Variants in COL23A1 observed in about 807,000 individuals in gnomAD.
COL23A1 encodes collagen type XXIII alpha 1 chain.
A neutral mutation model predicts 99.3 loss-of-function variants in COL23A1; 97 were observed. That is an observed-to-expected ratio of 0.98 (90% CI 0.83 to 1.16). COL23A1 has a LOEUF of 1.16. Among genes scored for constraint, COL23A1 ranks in the 50% most tolerant of loss-of-function variants. The pLI, the probability that COL23A1 is intolerant of heterozygous loss-of-function variation, is 0.00. For missense variants in COL23A1, 762 were observed against 757.4 expected (o/e 1.01, Z -0.07); for synonymous variants, 320 against 308.2 (o/e 1.04, Z -0.40).
chr5:178,305,259 G>T (rs1049713754), intron 3 of COL23A1, among the ~76,000 whole-genome samples: 1 of 152,158 alleles, frequency 6.6e-6, no homozygotes, highest in African/African-American at 2.4e-5. Context: ...GCTTCTTGCC[G>T]GTGAGCGCTA....
rs1756837083 is a variant in COL23A1 at position 178,280,467 on chromosome 5, C to A, written c.441+7857G>T. On this transcript the variant is annotated intron_variant, in intron 5 of 28. Coordinates refer to ENST00000390654, the MANE Select transcript of COL23A1 (RefSeq NM_173465.4). The surrounding 1 kb of genome is among the most constrained non-coding windows in gnomAD (Gnocchi z 4.9). ...GCCACATGGACTATAGACCCCTGGG[C>A]CCATTCTGTCTCCACTGCATGGGCT... is the stretch of plus-strand genomic sequence containing the variant. Among the ~76,000 whole-genome samples, 1 of 152,182 alleles carries A rather than the reference C, an allele frequency of 6.6e-6. No homozygotes were observed. Among genetic ancestry groups the A allele is most frequent in the Non-Finnish European group, 1.5e-5 (1 of 68,020 alleles).
At chr5:178,372,359 A>T (rs1762845476) in intron 2 of COL23A1, among the ~76,000 whole-genome samples, 1 of 152,210 alleles carries the variant, frequency 6.6e-6, no homozygotes, top group Admixed American at 6.5e-5. Context: ...CCGAGGGCGT[A>T]GTTGCTGACT....
Position 178,428,093 on chromosome 5 carries a change from G to C in COL23A1, c.362-121174C>G, listed in dbSNP as rs1207636147. Among the ~76,000 whole-genome samples, 3 of 152,186 alleles carry C rather than the reference G, an allele frequency of 2.0e-5. No individual in the cohort carries two copies. Among genetic ancestry groups the C allele is most frequent in the Non-Finnish European group, 4.4e-5 (3 of 68,040 alleles). On this transcript the variant is annotated intron_variant, in intron 2 of 28. Coordinates refer to ENST00000390654, the MANE Select transcript of COL23A1 (RefSeq NM_173465.4). The surrounding 1 kb of genome is among the most constrained non-coding windows in gnomAD (Gnocchi z 5.0). ...GGTCCAAGCCCTCTCCTCCAGTCCA[G>C]CCTTTCCAGCAATGAGGGTATCATC... is the stretch of plus-strand genomic sequence containing the variant.
rs1231526426 is a variant in COL23A1, at chr5:178,488,697, G to A, written c.361+71985C>T. ...ATGACTCTTTAAAAAAAAAAAAAACGCTTTGAGGTATGATTGACATGAACA... is the reference window on the plus strand; with the variant it reads ...ATGACTCTTTAAAAAAAAAAAAAACACTTTGAGGTATGATTGACATGAACA... On this transcript the variant is annotated intron_variant, in intron 2 of 28. Coordinates refer to ENST00000390654, the MANE Select transcript of COL23A1 (RefSeq NM_173465.4). Among the ~76,000 whole-genome samples the A allele has an allele frequency of 1.0e-4, 15 of 145,360 alleles. No individual in the cohort carries two copies. In the South Asian group the frequency reaches 1.5e-3, roughly 15 times the overall value.
intron 1 of COL23A1, among the ~76,000 whole-genome samples, chr5:178,561,184 C>A (rs1762542101): frequency 6.6e-6 from 1 of 152,204 alleles, no homozygotes; most frequent in African/African-American, 2.4e-5. Flanking sequence ...CCCGGGAAGT[C>A]CCAAAACCCC....
intron 2 of COL23A1, among the ~76,000 whole-genome samples, chr5:178,429,130 C>CACCAG (rs1766113194): frequency 6.6e-6 from 1 of 152,212 alleles, no homozygotes; most frequent in Non-Finnish European, 1.5e-5. Context: ...GGCATTTCAG[C>CACCAG]GCCTTTACAG....
At chr5:178,451,624 T>C (rs1430905745) in intron 2 of COL23A1, among the ~76,000 whole-genome samples, 2 of 125,818 alleles carry the variant, frequency 1.6e-5, no homozygotes, top group South Asian at 2.4e-4. Context: ...ATCACTGCAC[T>C]AGAGCCTGGG....
chr5:178,381,680 C>T (rs144424704), intron 2 of COL23A1, among the ~76,000 whole-genome samples: 8 of 152,242 alleles, frequency 5.3e-5, no homozygotes, highest in Non-Finnish European at 7.4e-5. Context: ...GTGTCGCCTA[C>T]GCTGGAGTGC....
chr5:178,411,519 CTAAA>C (rs1765055231), intron 2 of COL23A1, among the ~76,000 whole-genome samples: 1 of 151,466 alleles, frequency 6.6e-6, no homozygotes, highest in Admixed American at 6.6e-5. Context: ...AAAAAATATG[CTAAA>C]TAAAGTAATC....
At chr5:178,491,450 AG>A (rs559980653) in intron 2 of COL23A1, among the ~76,000 whole-genome samples, 108 of 152,232 alleles carry the variant, frequency 7.1e-4, no homozygotes, top group Non-Finnish European at 1.2e-3. Flanking sequence ...CTGCAGAGGA[AG>A]GGAACTGTGC....
At position 178,439,128 on chromosome 5, in the gene COL23A1, G is replaced by A. The variant is rs1766725360; in HGVS notation, c.361+121554C>T. Reference sequence around the variant, plus strand: ...GCCAGCAGATTTTAAAGTTTTCCAGGTGATTCAAAAGGGCAGCCAGGACTG... The same window carrying A: ...GCCAGCAGATTTTAAAGTTTTCCAGATGATTCAAAAGGGCAGCCAGGACTG... On this transcript the variant is annotated intron_variant, in intron 2 of 28. Transcript: ENST00000390654. This position sits in a 1 kb window ranked among gnomAD's most constrained non-coding sequence, Gnocchi z 4.2. 1 of 152,312 alleles carries A rather than the reference G, an allele frequency of 6.6e-6. No homozygotes were observed. 9.4% of individuals were successfully genotyped at this position (152,312 alleles called of 1,614,324 possible).
At chr5:178,284,391 C>T (rs1209160415) in intron 5 of COL23A1, among the ~76,000 whole-genome samples, 2 of 152,132 alleles carry the variant, frequency 1.3e-5, no homozygotes, top group African/African-American at 2.4e-5. Flanking sequence ...CTTATATTGG[C>T]ATAGCTTTAA....
rs556341389 is a variant in COL23A1 at position 178,402,184 on chromosome 5, T to C, written c.362-95265A>G. Among the ~76,000 whole-genome samples, 3 of 152,188 alleles carry C rather than the reference T, an allele frequency of 2.0e-5. No individual in the cohort carries two copies. The East Asian group carries it at 5.8e-4, about 29-fold the overall frequency. ...CTAAATAATAGAATAATGATAGCAA[T>C]AAGAAGTGAGTGAATGAGTGAACTG... On this transcript the variant is annotated intron_variant, in intron 2 of 28. Transcript: ENST00000390654.
At chr5:178,251,909 C>CTTTTTTTTTTTT (rs979583837) in intron 17 of COL23A1, among the ~76,000 whole-genome samples, 1 of 59,668 alleles carries the variant, frequency 1.7e-5, no homozygotes, top group African/African-American at 5.4e-5. Flanking sequence ...ATTTTCTTTT[C>CTTTTTTTTTTTT]TTTTTTTTTT....
At chr5:178,361,499 C>A (rs1762172778) in intron 2 of COL23A1, among the ~76,000 whole-genome samples, 1 of 152,066 alleles carries the variant, frequency 6.6e-6, no homozygotes, top group African/African-American at 2.4e-5. Context: ...TGTCTCCTCA[C>A]CATTCCTCTG....
At chr5:178,298,557 A>G (rs891807327) in intron 3 of COL23A1, among the ~76,000 whole-genome samples, 1 of 152,034 alleles carries the variant, frequency 6.6e-6, no homozygotes, top group Admixed American at 6.6e-5. Context: ...TCACAGCCCC[A>G]CACCTGCTCC....
At chr5:178,379,382 T>C (rs1763251871) in intron 2 of COL23A1, among the ~76,000 whole-genome samples, 1 of 152,180 alleles carries the variant, frequency 6.6e-6, no homozygotes, top group Non-Finnish European at 1.5e-5. Context: ...TACCTCTGTG[T>C]GTGTACATGC....
At position 178,263,308 on chromosome 5, in the gene COL23A1, T is replaced by A. The variant is rs1765739700; in HGVS notation, c.539A>T (p.Asp180Val). The A allele has an allele frequency of 6.2e-7, 1 of 1,600,592 alleles. No homozygotes were observed. ...DFGPRGDQGQ[D>V]GAAGPPGPPG... ...GGGCCCCGGAGGCCCAGCAGCTCCA[T>A]CTTGTCCTTGGTCTCCCTGAAAGAG... The change falls in exon 9 of 29, where the codon GAT becomes GTT. Residue 180 changes from aspartate (D) to valine (V), a missense_variant. Transcript: ENST00000390654.
chr5:178,286,541 C>T (rs910654539), intron 5 of COL23A1, among the ~76,000 whole-genome samples: 3 of 152,230 alleles, frequency 2.0e-5, no homozygotes, highest in Non-Finnish European at 4.4e-5. Flanking sequence ...TGGCCTGGCT[C>T]GCGTTCTGGG....
Sources: allele counts gnomAD v4.1 joint callset (sites outside exome capture counted in the v4.1 genomes callset), GRCh38; gene constraint gnomAD v4.1.1; non-coding constraint Gnocchi (gnomAD v3.1); transcripts MANE v1.5; gene names NCBI Gene and HGNC (gene_info 2026-07-23, HGNC 2026-07-21).